Variants in LMO3 observed in about 807,000 individuals in gnomAD.
The protein encoded by LMO3 is LIM domain only 3.
Under a neutral mutation model 15.8 loss-of-function variants are expected in LMO3, and 2 were observed. The ratio of observed to expected loss-of-function variants is 0.13; its 90% CI spans 0.05 to 0.40. The LOEUF is 0.40. Ranked by LOEUF, LMO3 falls within the 10% of genes least tolerant of loss-of-function variation. The probability of loss-of-function intolerance (pLI) is 0.99; values close to 1 mark genes in which losing one functional copy is unlikely to be tolerated. For synonymous variants in LMO3, 62 were observed against 63.8 expected (o/e 0.97, Z 0.13); for missense variants, 86 against 182.2 (o/e 0.47, Z 3.04).
Position 16,586,793 on chromosome 12 carries a change from C to A in LMO3, c.206+13862G>T, listed in dbSNP as rs1224708903. ...ATTATTTATTGCATTACTTTTGTAA[C>A]CTTTCTCCCAAAGGAACATGTAAGC... On this transcript the variant is annotated intron_variant, in intron 2 of 3. Coordinates refer to ENST00000537304, the MANE Select transcript of LMO3 (RefSeq NM_018640.5). This position sits in a 1 kb window ranked among gnomAD's most constrained non-coding sequence, Gnocchi z 4.3. Among the ~76,000 whole-genome samples the A allele has an allele frequency of 6.6e-6, 1 of 152,144 alleles. No individual in the cohort carries two copies. The highest frequency in any genetic ancestry group is 2.4e-5 in the African/African-American group (1 of 41,442).
chr12:16,594,453 T>G (rs565541140), intron 2 of LMO3: 1 of 449,318 alleles, frequency 2.2e-6, no homozygotes, highest in South Asian at 4.8e-5. Context: ...TTTATTCCCT[T>G]TGTTTTCCAG....
chr12:16,581,337 T>A (rs1943151555), intron 2 of LMO3, among the ~76,000 whole-genome samples: 1 of 152,182 alleles, frequency 6.6e-6, no homozygotes, highest in Non-Finnish European at 1.5e-5. Context: ...TTAATTACCC[T>A]CAGCCTCAGT....
At chr12:16,565,982 CCATA>C (rs1246394631) in intron 2 of LMO3, among the ~76,000 whole-genome samples, 7 of 44,320 alleles carry the variant, frequency 1.6e-4, no homozygotes, top group Middle Eastern at 0.019. Flanking sequence ...AGAAAATGTG[CCATA>C]TATATATATA....
At chr12:16,588,597 A>T (rs1943396227) in intron 2 of LMO3, among the ~76,000 whole-genome samples, 1 of 152,114 alleles carries the variant, frequency 6.6e-6, no homozygotes, top group South Asian at 2.1e-4. Context: ...CAAAGATCCA[A>T]ATTCATCCTA....
chr12:16,571,036 T>G (rs1229960103), intron 2 of LMO3, among the ~76,000 whole-genome samples: 1 of 152,056 alleles, frequency 6.6e-6, no homozygotes, highest in Admixed American at 6.6e-5. Context: ...AGTATAATAA[T>G]AATAAATTTT....
intron 2 of LMO3, among the ~76,000 whole-genome samples, chr12:16,563,082 GT>G (rs1942458691): frequency 6.6e-6 from 1 of 151,838 alleles, no homozygotes; most frequent in African/African-American, 2.4e-5. Context: ...GGCTCCATCA[GT>G]TTCCATCTAC....
Position 16,598,931 on chromosome 12 carries a change from C to G in LMO3, c.206+1724G>C, listed in dbSNP as rs1326113481. 3.1e-6 allele frequency: 1 copy of G among 322,144 alleles called. No homozygotes were observed. Among genetic ancestry groups the G allele is most frequent in the South Asian group, 2.6e-5 (1 of 38,132 alleles). 20.0% of individuals were successfully genotyped at this position (322,144 alleles called of 1,614,324 possible). A position where few individuals can be genotyped will look rare whatever the true frequency, so the allele number is the denominator to read the frequency against. On this transcript the variant is annotated intron_variant, in intron 2 of 3. Coordinates refer to ENST00000537304, the MANE Select transcript of LMO3 (RefSeq NM_018640.5). This position sits in a 1 kb window ranked among gnomAD's most constrained non-coding sequence, Gnocchi z 4.3. ...TAACATTGCCCGGGCTATATAAACT[C>G]CTTATTTGAAATGGTAACATAAATC...
intron 1 of LMO3, among the ~76,000 whole-genome samples, chr12:16,601,579 T>A (rs1480402729): frequency 6.6e-6 from 1 of 152,192 alleles, no homozygotes; most frequent in Non-Finnish European, 1.5e-5. Flanking sequence ...TATGCTTTTA[T>A]GTAAACCTAA....
At position 16,585,849 on chromosome 12, in the gene LMO3, G is replaced by A. The variant is rs1325656392; in HGVS notation, c.206+14806C>T. On this transcript the variant is annotated intron_variant, in intron 2 of 3. Transcript: ENST00000537304. This position sits in a 1 kb window ranked among gnomAD's most constrained non-coding sequence, Gnocchi z 4.7. ...AGGAAACAAAGAAAAGAGGGAAAAT[G>A]TCAACATGTATATGATTCACAGGCC... Among the ~76,000 whole-genome samples the A allele has an allele frequency of 2.0e-5, 3 of 152,300 alleles. No homozygotes were observed. Among genetic ancestry groups the A allele is most frequent in the Admixed American group, 2.0e-4 (3 of 15,290 alleles).
intron 2 of LMO3, among the ~76,000 whole-genome samples, chr12:16,581,945 G>T (rs1943171880): frequency 6.6e-6 from 1 of 151,960 alleles, no homozygotes. Context: ...ATTTTCTGCA[G>T]ATAAAATAAT....
chr12:16,569,710 G>T (rs1225581789), intron 2 of LMO3, among the ~76,000 whole-genome samples: 2 of 152,000 alleles, frequency 1.3e-5, no homozygotes, highest in African/African-American at 2.4e-5. Context: ...TAGAATAAAA[G>T]AAATGTGTCA....
At position 16,597,231 on chromosome 12, in the gene LMO3, G is replaced by A. The variant is rs1453764321; in HGVS notation, c.206+3424C>T. On this transcript the variant is annotated intron_variant, in intron 2 of 3. Transcript: ENST00000537304. The surrounding 1 kb of genome is among the most constrained non-coding windows in gnomAD (Gnocchi z 5.0). ...GATACTTAGTGTACAAACTATGGAAGATTTTTCTTTCTTTTTCTCTTAAAT... is the reference window on the plus strand; with the variant it reads ...GATACTTAGTGTACAAACTATGGAAAATTTTTCTTTCTTTTTCTCTTAAAT... Among the ~76,000 whole-genome samples, 7 of 151,604 alleles carry A rather than the reference G, an allele frequency of 4.6e-5. No homozygotes were observed. The highest frequency in any genetic ancestry group is 8.9e-5 in the Non-Finnish European group (6 of 67,682).
Position 16,560,553 on chromosome 12 carries a change from ATTT to A in LMO3, c.207-18_207-16del. On this transcript the variant is annotated splice_polypyrimidine_tract_variant and intron_variant, in intron 2 of 3. Transcript: ENST00000537304. The surrounding 1 kb of genome is among the most constrained non-coding windows in gnomAD (Gnocchi z 5.0). ...CACCAAAGAGCCTAGAATAAGAAAC[ATTT>A]TTTTTTTTTTACAAACTCTTACAGA... The A allele has an allele frequency of 4.9e-6, 7 of 1,414,454 alleles. No homozygotes were observed. Among genetic ancestry groups the A allele is most frequent in the Non-Finnish European group, 6.7e-6 (7 of 1,037,254 alleles). 87.6% of individuals were successfully genotyped at this position (1,414,454 alleles called of 1,614,324 possible). A position where few individuals can be genotyped will look rare whatever the true frequency, so the allele number is the denominator to read the frequency against.
Position 16,550,394 on chromosome 12 carries a change from A to G in LMO3, c.*828T>C, listed in dbSNP as rs1031036869. 2 of 152,462 alleles carry G rather than the reference A, an allele frequency of 1.3e-5. No individual in the cohort carries two copies. The highest frequency in any genetic ancestry group is 1.9e-4 in the East Asian group (1 of 5,202). 9.4% of individuals were successfully genotyped at this position (152,462 alleles called of 1,614,324 possible). A position where few individuals can be genotyped will look rare whatever the true frequency, so the allele number is the denominator to read the frequency against. On this transcript the variant is annotated 3_prime_UTR_variant, in exon 4 of 4. Transcript: ENST00000537304. ...GTGATACCCAAAGGCACTAGTTCAC[A>G]TAAGGGGTGTGGCTGAAAAAGCAAA...
At position 16,550,481 on chromosome 12, in the gene LMO3, G is replaced by A. The variant is rs960817140; in HGVS notation, c.*741C>T. ...AGGATATTAAAAGGAAACCTGTTAA[G>A]CTTTAAAGTTATTCTAAAAATGGCA... On this transcript the variant is annotated 3_prime_UTR_variant, in exon 4 of 4. Transcript: ENST00000537304. 3 of 152,368 alleles carry A rather than the reference G, an allele frequency of 2.0e-5. No individual in the cohort carries two copies. In the South Asian group the frequency reaches 6.2e-4, roughly 32 times the overall value. The allele number at this position is 152,368 out of a possible 1,614,324, so 9.4% of individuals were successfully genotyped here.
chr12:16,601,437 TCTTG>T (rs1484205694), intron 1 of LMO3, among the ~76,000 whole-genome samples: 2 of 152,182 alleles, frequency 1.3e-5, no homozygotes, highest in Non-Finnish European at 1.5e-5. Context: ...ATCCTATATT[TCTTG>T]CTTGCATCCA....
In LMO3 at chr12:16,576,224, C is replaced by A. The variant is rs1369151706; in HGVS notation, c.207-15686G>T. ...CCAACCCATTGATCCTGCTTATAAC[C>A]TTCCATAGCTCCCCTACTGTATGCA... On this transcript the variant is annotated intron_variant, in intron 2 of 3. Coordinates refer to ENST00000537304, the MANE Select transcript of LMO3 (RefSeq NM_018640.5). This position sits in a 1 kb window ranked among gnomAD's most constrained non-coding sequence, Gnocchi z 4.1. Among the ~76,000 whole-genome samples the A allele has an allele frequency of 1.3e-5, 2 of 152,150 alleles. No homozygotes were observed. Among genetic ancestry groups the A allele is most frequent in the Admixed American group, 6.6e-5 (1 of 15,264 alleles).
At chr12:16,571,577 T>A (rs1312886011) in intron 2 of LMO3, among the ~76,000 whole-genome samples, 1 of 152,052 alleles carries the variant, frequency 6.6e-6, no homozygotes, top group Non-Finnish European at 1.5e-5. Flanking sequence ...ATACTCATGT[T>A]ATCTTTATCA....
chr12:16,584,832 C>T lies in LMO3; in HGVS notation c.206+15823G>A, dbSNP rs533333497. Among the ~76,000 whole-genome samples, 55 of 152,274 alleles carry T rather than the reference C, an allele frequency of 3.6e-4. No homozygotes were observed. In the South Asian group the frequency reaches 0.011, roughly 31 times the overall value. On this transcript the variant is annotated intron_variant, in intron 2 of 3. Coordinates refer to ENST00000537304, the MANE Select transcript of LMO3 (RefSeq NM_018640.5). The surrounding 1 kb of genome is among the most constrained non-coding windows in gnomAD (Gnocchi z 5.2). ...CTGAAGCAGGAGTGTAACTGGTATA[C>T]ATTGGATGAAGGGCTCTGATCCTCT...
Sources: gnomAD v4.1 joint callset for allele counts (sites outside exome capture counted in the v4.1 genomes callset) on GRCh38, gnomAD v4.1.1 for gene constraint, Gnocchi (gnomAD v3.1) non-coding constraint, MANE v1.5 for transcripts, NCBI Gene and HGNC (gene_info 2026-07-23, HGNC 2026-07-21) for gene names.